The following UBE3A variants were observed in gnomAD, a reference collection of about 807,000 sequenced individuals.
UBE3A encodes the protein ubiquitin protein ligase E3A.
UBE3A carries 6 observed loss-of-function variants against 83.4 expected under a neutral mutation model. That is an observed-to-expected ratio of 0.07 (90% CI 0.04 to 0.14). The LOEUF (loss-of-function observed/expected upper bound fraction) is 0.14, where lower values mean the gene tolerates loss of function less well. Ranked by LOEUF, UBE3A falls within the 10% of genes least tolerant of loss-of-function variation. The pLI is 1.00. For missense variants in UBE3A, 456 were observed against 1,036.1 expected, an observed-to-expected ratio of 0.44 and a Z score of 7.69; for synonymous variants, 337 against 355.4, an observed-to-expected ratio of 0.95 and a Z score of 0.58.
At chr15:25,410,295 A>G (rs1423896530) in intron 2 of UBE3A, among the ~76,000 whole-genome samples, 3 of 152,196 alleles carry the variant, frequency 2.0e-5, no homozygotes, top group Admixed American at 2.0e-4. Flanking sequence ...ATATCTTTTT[A>G]ACCCCTTACA....
At chr15:25,357,902 CTTTTTTT>C (rs35596421) in intron 7 of UBE3A, among the ~76,000 whole-genome samples, 25 of 95,744 alleles carry the variant, frequency 2.6e-4, no homozygotes, top group Non-Finnish European at 4.5e-4. Flanking sequence ...ATCATGGAGG[CTTTTTTT>C]TTTTTTTTTT....
intron 11 of UBE3A, among the ~76,000 whole-genome samples, chr15:25,348,830 C>T (rs967890082): frequency 4.6e-5 from 7 of 152,120 alleles, no homozygotes; most frequent in East Asian, 1.9e-4. Context: ...AATGGAGAGA[C>T]GTACGGTGTT....
intron 5 of UBE3A, chr15:25,374,265 A>C (rs1463562825): frequency 6.6e-6 from 1 of 152,266 alleles, no homozygotes; most frequent in Non-Finnish European, 1.5e-5. Flanking sequence ...AGACTGGATA[A>C]AGCCACACAA....
chr15:25,435,802 T>C (rs911740319), intron 1 of UBE3A, among the ~76,000 whole-genome samples: 6 of 152,130 alleles, frequency 3.9e-5, no homozygotes, highest in Non-Finnish European at 7.4e-5. Context: ...TGGTAAACAC[T>C]AGGAATTCCT....
intron 4 of UBE3A, among the ~76,000 whole-genome samples, chr15:25,381,043 C>T (rs1264004920): frequency 6.6e-6 from 1 of 152,120 alleles, no homozygotes; most frequent in Non-Finnish European, 1.5e-5. Flanking sequence ...AATGGTTTCA[C>T]CTAGAGGGAT....
chr15:25,367,895 A>C (rs929687094), intron 6 of UBE3A, among the ~76,000 whole-genome samples: 1 of 152,116 alleles, frequency 6.6e-6, no homozygotes, highest in Non-Finnish European at 1.5e-5. Context: ...AAAACATACA[A>C]GAGTCTCATA....
chr15:25,405,951 T>C (rs984594898), intron 3 of UBE3A, among the ~76,000 whole-genome samples: 3 of 152,192 alleles, frequency 2.0e-5, no homozygotes, highest in African/African-American at 7.2e-5. Flanking sequence ...GACTAAAGCT[T>C]AGGCCAGCCA....
intron 6 of UBE3A, among the ~76,000 whole-genome samples, chr15:25,365,633 AGCT>A (rs984437456): frequency 2.0e-5 from 3 of 151,858 alleles, no homozygotes; most frequent in African/African-American, 7.3e-5. Context: ...CTGTAGTCCC[AGCT>A]ACTCGGGAGG....
chr15:25,357,151 C>T (rs919318720), intron 7 of UBE3A, among the ~76,000 whole-genome samples: 3 of 151,918 alleles, frequency 2.0e-5, no homozygotes, highest in Non-Finnish European at 4.4e-5. Context: ...TTGGTGGCAT[C>T]GGGTAGAAAA....
At chr15:25,420,426 T>C (rs1889202200) in intron 1 of UBE3A, among the ~76,000 whole-genome samples, 2 of 152,150 alleles carry the variant, frequency 1.3e-5, no homozygotes, top group South Asian at 2.1e-4. Flanking sequence ...GATTTCAACA[T>C]TCCTCTCTCG....
intron 1 of UBE3A, among the ~76,000 whole-genome samples, chr15:25,431,298 C>T (rs1893378063): frequency 6.6e-6 from 1 of 152,124 alleles, no homozygotes; most frequent in African/African-American, 2.4e-5. Context: ...GAAAACTTTA[C>T]ACTTCTTAGA....
intron 4 of UBE3A, among the ~76,000 whole-genome samples, chr15:25,384,288 T>C (rs990874827): frequency 1.3e-5 from 2 of 151,734 alleles, no homozygotes; most frequent in African/African-American, 2.4e-5. Flanking sequence ...TGAAACCCTG[T>C]CTCTACTAAA....
At chr15:25,349,969 A>AACTT (rs1437499573) in intron 11 of UBE3A, among the ~76,000 whole-genome samples, 2 of 152,146 alleles carry the variant, frequency 1.3e-5, no homozygotes, top group African/African-American at 4.8e-5. Flanking sequence ...TGTAATTTAA[A>AACTT]ACTTAAGAGT....
chr15:25,354,341 T>G lies in UBE3A; in HGVS notation c.2354+12A>C, dbSNP rs748038950. 6.2e-7 allele frequency: 1 copy of G among 1,612,050 alleles called. No individual in the cohort carries two copies. Among genetic ancestry groups the G allele is most frequent in the Non-Finnish European group, 8.5e-7 (1 of 1,179,294 alleles). ...TGAATCAAATCTTCCTCTGAAGAAC[T>G]AAGTACCTCACCTAATCAGAACAGA... On this transcript the variant is annotated intron_variant, in intron 11 of 12. Transcript: ENST00000648336.
chr15:25,402,403 A>G (rs761255032), intron 4 of UBE3A, among the ~76,000 whole-genome samples: 1 of 152,134 alleles, frequency 6.6e-6, no homozygotes, highest in Non-Finnish European at 1.5e-5. Context: ...TAGAATTTGG[A>G]TCACAAGGGG....
chr15:25,389,755 G>A (rs1349507801), intron 4 of UBE3A, among the ~76,000 whole-genome samples: 1 of 152,090 alleles, frequency 6.6e-6, no homozygotes, highest in Non-Finnish European at 1.5e-5. Context: ...AGGTGTGGTG[G>A]TGCACGGGTA....
chr15:25,426,758 C>T (rs1356779993), intron 1 of UBE3A, among the ~76,000 whole-genome samples: 3 of 152,080 alleles, frequency 2.0e-5, no homozygotes, highest in Non-Finnish European at 4.4e-5. Context: ...TTAACACAAA[C>T]AGTAAACATA....
intron 4 of UBE3A, among the ~76,000 whole-genome samples, chr15:25,380,568 A>G (rs1488738229): frequency 2.0e-5 from 3 of 152,154 alleles, no homozygotes; most frequent in Non-Finnish European, 2.9e-5. Context: ...GGAGAGGGGA[A>G]AAGGGAAAAA....
chr15:25,423,579 A>C (rs1021822125), intron 1 of UBE3A, among the ~76,000 whole-genome samples: 1 of 152,232 alleles, frequency 6.6e-6, no homozygotes, highest in African/African-American at 2.4e-5. Context: ...TTGAGAGAAC[A>C]CATCAGATTT....
Sources: allele counts gnomAD v4.1 joint callset (sites outside exome capture counted in the v4.1 genomes callset), GRCh38; gene constraint gnomAD v4.1.1; transcripts MANE v1.5; gene names NCBI Gene and HGNC (gene_info 2026-07-23, HGNC 2026-07-21).